Variants in MCUB observed in about 807,000 individuals in gnomAD.
MCUB encodes the protein calcium uniporter regulatory subunit MCUb, mitochondrial.
MCUB carries 46 observed loss-of-function variants against 41.4 expected under a neutral mutation model. The observed-to-expected ratio is 1.11, with a 90% CI of 0.88 to 1.42. MCUB has a LOEUF of 1.42. Among genes scored for constraint, MCUB ranks in the 40% most tolerant of loss-of-function variants. The pLI is 0.00. For missense variants in MCUB, 403 were observed against 404.9 expected (o/e 1.00, Z 0.04); for synonymous variants, 148 against 148.2 (o/e 1.00, Z 0.01).
At chr4:109,639,061 C>T (rs1728661266) in intron 1 of MCUB, among the ~76,000 whole-genome samples, 1 of 152,176 alleles carries the variant, frequency 6.6e-6, no homozygotes, top group Admixed American at 6.5e-5. Context: ...ATTTTGAGCT[C>T]CTCCCATGAA....
At chr4:109,565,863 G>A (rs1346400756) in intron 1 of MCUB, among the ~76,000 whole-genome samples, 1 of 148,854 alleles carries the variant, frequency 6.7e-6, no homozygotes, top group Non-Finnish European at 1.5e-5. Flanking sequence ...TTTGAGACAG[G>A]GTCATGCTCT....
chr4:109,672,392 G>A (rs928338029), intron 4 of MCUB, among the ~76,000 whole-genome samples: 1 of 152,132 alleles, frequency 6.6e-6, no homozygotes, highest in African/African-American at 2.4e-5. Flanking sequence ...GAAAGTGTGG[G>A]AGTTTTTCCT....
intron 6 of MCUB, 47 bp downstream of exon 6, chr4:109,684,693 G>A (rs200680035): frequency 3.7e-4 from 339 of 907,140 alleles, no homozygotes; most frequent in Non-Finnish European, 5.8e-4. Context: ...TCTTTGCAAA[G>A]AATGTCTTAT....
At chr4:109,604,489 C>T (rs1727825826) in intron 1 of MCUB, among the ~76,000 whole-genome samples, 1 of 152,132 alleles carries the variant, frequency 6.6e-6, no homozygotes, top group African/African-American at 2.4e-5. Context: ...TTCTTCCTTT[C>T]CAGTTTGGAT....
intron 1 of MCUB, among the ~76,000 whole-genome samples, chr4:109,628,870 G>A (rs1728416499): frequency 6.6e-6 from 1 of 152,216 alleles, no homozygotes; most frequent in Admixed American, 6.5e-5. Flanking sequence ...TCTGAAGCCT[G>A]CACCTTGCTT....
At chr4:109,619,575 C>T (rs1193044426) in intron 1 of MCUB, among the ~76,000 whole-genome samples, 2 of 152,042 alleles carry the variant, frequency 1.3e-5, no homozygotes, top group African/African-American at 4.8e-5. Context: ...GGCATGGTGG[C>T]GCACACCTGT....
At chr4:109,673,789 C>A in intron 4 of MCUB, 1 of 628,656 alleles carries the variant, frequency 1.6e-6, no homozygotes, top group Non-Finnish European at 2.9e-6. Flanking sequence ...GATCAGAAGC[C>A]GGTTGGCGGG....
intron 4 of MCUB, among the ~76,000 whole-genome samples, chr4:109,671,064 C>T (rs894118061): frequency 5.3e-5 from 8 of 152,108 alleles, no homozygotes; most frequent in Non-Finnish European, 8.8e-5. Context: ...TCAATTTTGG[C>T]GACAGCAATT....
intron 1 of MCUB, among the ~76,000 whole-genome samples, chr4:109,626,435 C>T (rs534545162): frequency 2.0e-5 from 3 of 152,084 alleles, no homozygotes; most frequent in South Asian, 4.1e-4. Context: ...TCATCTCTGT[C>T]GCTACATAGA....
intron 1 of MCUB, among the ~76,000 whole-genome samples, chr4:109,584,916 A>C (rs796974833): frequency 6.6e-6 from 1 of 152,182 alleles, no homozygotes; most frequent in Non-Finnish European, 1.5e-5. Context: ...TCTGAGAAGA[A>C]TGTATATTCT....
chr4:109,687,773 A>G lies in MCUB; in HGVS notation c.*181A>G, dbSNP rs1037763041. ...ACTTTTTGGATTTTTATGACTTGCT[A>G]ATGTTAGAAAGGGCTTGTATGCGTC... On this transcript the variant is annotated 3_prime_UTR_variant, in exon 8 of 8. Coordinates refer to ENST00000394650, the MANE Select transcript of MCUB (RefSeq NM_017918.5). 7 of 583,584 alleles carry G rather than the reference A, an allele frequency of 1.2e-5. No individual in the cohort carries two copies. The African/African-American group carries it at 1.3e-4, about 11-fold the overall frequency. 36.2% of individuals were successfully genotyped at this position (583,584 alleles called of 1,614,324 possible).
rs983314822 is a variant in MCUB, at chr4:109,669,483, A to G, written c.451+5089A>G. ...TGATTTTCTGCAGTTTGAAAATGAT[A>G]TACGTATGTGTAGTTTTCTCTTGGC... On this transcript the variant is annotated intron_variant, in intron 4 of 7. Coordinates refer to ENST00000394650, the MANE Select transcript of MCUB (RefSeq NM_017918.5). Among the ~76,000 whole-genome samples the G allele has an allele frequency of 2.6e-5, 4 of 152,032 alleles. No homozygotes were observed. In the East Asian group the frequency reaches 5.8e-4, roughly 22 times the overall value.
At chr4:109,598,148 C>A (rs1378718636) in intron 1 of MCUB, among the ~76,000 whole-genome samples, 1 of 139,492 alleles carries the variant, frequency 7.2e-6, no homozygotes, top group Admixed American at 7.2e-5. Flanking sequence ...ACATCCCAGA[C>A]GATGGGCAGC....
intron 1 of MCUB, among the ~76,000 whole-genome samples, chr4:109,617,959 ACTT>A (rs1314503435): frequency 6.6e-6 from 1 of 152,154 alleles, no homozygotes; most frequent in African/African-American, 2.4e-5. Flanking sequence ...TTCACATGTA[ACTT>A]CTTGTATTTG....
intron 1 of MCUB, among the ~76,000 whole-genome samples, chr4:109,636,488 CTG>C (rs907782361): frequency 3.3e-5 from 5 of 152,074 alleles, no homozygotes; most frequent in African/African-American, 9.7e-5. Context: ...CTAAAGTAAA[CTG>C]AGAAAATATA....
intron 1 of MCUB, among the ~76,000 whole-genome samples, chr4:109,596,875 TGCGGCCTTCC>T (rs1727567965): frequency 6.6e-6 from 1 of 151,602 alleles, no homozygotes; most frequent in African/African-American, 2.4e-5. Context: ...CAGAGGACCC[TGCGGCCTTCC>T]GCAGTGTTTG....
intron 1 of MCUB, among the ~76,000 whole-genome samples, chr4:109,611,793 C>T (rs1728013850): frequency 6.6e-6 from 1 of 152,022 alleles, no homozygotes; most frequent in Non-Finnish European, 1.5e-5. Flanking sequence ...ATGGTTCATG[C>T]CTGTGAAAAT....
At chr4:109,670,830 TGTATCTA>T (rs1202833794) in intron 4 of MCUB, among the ~76,000 whole-genome samples, 1 of 152,058 alleles carries the variant, frequency 6.6e-6, no homozygotes, top group African/African-American at 2.4e-5. Flanking sequence ...CAGTTTTCAC[TGTATCTA>T]GTAGAGCTCC....
chr4:109,618,768 T>TA (rs144977199), intron 1 of MCUB, among the ~76,000 whole-genome samples: 36,762 of 152,104 alleles, frequency 0.24, 5,456 homozygotes, highest in South Asian at 0.36. Flanking sequence ...TTTAAATAGT[T>TA]ACATAGTCTA....
Sources: allele counts gnomAD v4.1 joint callset (sites outside exome capture counted in the v4.1 genomes callset), GRCh38; gene constraint gnomAD v4.1.1; transcripts MANE v1.5; gene names NCBI Gene and HGNC (gene_info 2026-07-23, HGNC 2026-07-21).